Variants in CLIP4 observed in about 807,000 individuals in gnomAD.
CLIP4 encodes the protein CAP-Gly domain containing linker protein family member 4.
Under a neutral mutation model 73.1 loss-of-function variants are expected in CLIP4, and 47 were observed. That is an observed-to-expected ratio of 0.64 (90% CI 0.51 to 0.82). The LOEUF (loss-of-function observed/expected upper bound fraction) is 0.82. Among genes scored for constraint, CLIP4 ranks in the 40% least tolerant of loss-of-function variants. The pLI is 0.00. For synonymous variants in CLIP4, 306 were observed against 295.4 expected (o/e 1.04, Z -0.37); for missense variants, 874 against 852.9 (o/e 1.02, Z -0.31).
At chr2:29,180,475 G>T (rs1668582399) in intron 15 of CLIP4, among the ~76,000 whole-genome samples, 1 of 152,154 alleles carries the variant, frequency 6.6e-6, no homozygotes, top group Admixed American at 6.5e-5. Flanking sequence ...AGAGGCAGCT[G>T]CTCAAGGCAC....
intron 1 of CLIP4, among the ~76,000 whole-genome samples, chr2:29,099,990 T>C (rs1667994190): frequency 6.6e-6 from 1 of 152,240 alleles, no homozygotes; most frequent in Non-Finnish European, 1.5e-5. Context: ...ATTCCCATTG[T>C]TAACTGCTGG....
At chr2:29,120,764 G>T (rs958696644) in intron 1 of CLIP4, among the ~76,000 whole-genome samples, 1 of 152,088 alleles carries the variant, frequency 6.6e-6, no homozygotes, top group Non-Finnish European at 1.5e-5. Context: ...GGGAAAAAGA[G>T]GTAATATAAG....
chr2:29,106,624 T>C (rs1374139768), intron 1 of CLIP4, among the ~76,000 whole-genome samples: 1 of 152,108 alleles, frequency 6.6e-6, no homozygotes, highest in East Asian at 1.9e-4. Flanking sequence ...CAATTCAGGT[T>C]CCCCACACTT....
intron 1 of CLIP4, among the ~76,000 whole-genome samples, chr2:29,121,020 A>T (rs563943927): frequency 6.6e-6 from 1 of 152,320 alleles, no homozygotes; most frequent in South Asian, 2.1e-4. Context: ...TGTTATGGGA[A>T]GTTAAAGATC....
At chr2:29,172,409 T>G (rs564131241) in intron 14 of CLIP4, among the ~76,000 whole-genome samples, 28 of 152,270 alleles carry the variant, frequency 1.8e-4, no homozygotes, top group African/African-American at 6.7e-4. Context: ...GTGTAGAATT[T>G]TAGGTTTAAA....
intron 1 of CLIP4, among the ~76,000 whole-genome samples, chr2:29,107,368 T>TTTTTG (rs1558504956): frequency 7.8e-5 from 6 of 76,582 alleles, no homozygotes; most frequent in African/African-American, 2.8e-4. Context: ...GTTTTTTTTT[T>TTTTTG]TTTTTTTTTT....
intron 14 of CLIP4, among the ~76,000 whole-genome samples, chr2:29,172,753 C>A (rs962429044): frequency 6.6e-6 from 1 of 152,086 alleles, no homozygotes; most frequent in African/African-American, 2.4e-5. Flanking sequence ...TTTCTCACAA[C>A]TTGTCACTCT....
At chr2:29,134,405 C>T (rs910762157) in intron 5 of CLIP4, among the ~76,000 whole-genome samples, 6 of 152,008 alleles carry the variant, frequency 3.9e-5, no homozygotes, top group South Asian at 4.2e-4. Flanking sequence ...ATAGTATTAA[C>T]GTTAAGTTAA....
chr2:29,118,039 C>A (rs1208028306), intron 1 of CLIP4, among the ~76,000 whole-genome samples: 3 of 152,120 alleles, frequency 2.0e-5, no homozygotes, highest in Non-Finnish European at 4.4e-5. Flanking sequence ...ATAAAAGGAT[C>A]ATTGGAGTTA....
intron 1 of CLIP4, among the ~76,000 whole-genome samples, chr2:29,117,445 G>C (rs1035542992): frequency 1.3e-5 from 2 of 151,756 alleles, no homozygotes; most frequent in Non-Finnish European, 2.9e-5. Flanking sequence ...CCAGGTTCAA[G>C]CGATTGTTCT....
intron 15 of CLIP4, among the ~76,000 whole-genome samples, 173 bp from the exon 16 acceptor site, chr2:29,181,399 T>G (rs1166772229): frequency 6.6e-6 from 1 of 152,204 alleles, no homozygotes; most frequent in Non-Finnish European, 1.5e-5. Flanking sequence ...ATGGGTCAAC[T>G]GTATACTCTA....
intron 1 of CLIP4, among the ~76,000 whole-genome samples, chr2:29,119,936 T>C (rs1664142095): frequency 6.6e-6 from 1 of 152,194 alleles, no homozygotes; most frequent in Admixed American, 6.5e-5. Flanking sequence ...GTAAACTACC[T>C]AAGAAGCATG....
At chr2:29,142,573 T>A (rs1665848337) in intron 6 of CLIP4, among the ~76,000 whole-genome samples, 1 of 152,070 alleles carries the variant, frequency 6.6e-6, no homozygotes, top group Non-Finnish European at 1.5e-5. Context: ...ATTAGAAGAG[T>A]CCATTACCAT....
intron 2 of CLIP4, among the ~76,000 whole-genome samples, chr2:29,124,671 C>T (rs921227683): frequency 2.0e-5 from 3 of 151,954 alleles, no homozygotes; most frequent in Admixed American, 1.3e-4. Flanking sequence ...ATTACTGCAT[C>T]TTCAAGTTCA....
In CLIP4 at chr2:29,181,840, A is replaced by G. The variant is rs150560184; in HGVS notation, c.2065A>G (p.Arg689Gly). 3.7e-6 allele frequency: 6 copies of G among 1,614,024 alleles called. No homozygotes were observed. Among genetic ancestry groups the G allele is most frequent in the African/African-American group, 1.3e-5 (1 of 74,946 alleles). The stretch of plus-strand genomic sequence containing the variant: ...CCATGGAGTCTTAGTTCGACCGAGC[A>G]GAGTGACCTATCGGGGAATTAATGG... ...PNHGVLVRPSRVTYRGINGSK... is the reference protein window; with the variant it reads ...PNHGVLVRPSGVTYRGINGSK... The change falls in exon 16 of 16, where the codon AGA (arginine) becomes GGA (glycine). Residue 689 changes from arginine to glycine, a missense_variant. Transcript: ENST00000320081.
chr2:29,121,301 A>G (rs1664231601), intron 1 of CLIP4, 73 bp from the exon 2 acceptor site: 2 of 1,354,060 alleles, frequency 1.5e-6, no homozygotes, highest in Non-Finnish European at 2.0e-6. Flanking sequence ...ACTTTTAGGC[A>G]GTTATTGAAG....
chr2:29,141,008 G>A (rs1009680841), intron 6 of CLIP4, among the ~76,000 whole-genome samples: 1 of 151,978 alleles, frequency 6.6e-6, no homozygotes, highest in Non-Finnish European at 1.5e-5. Flanking sequence ...ACATCCCAGA[G>A]GTTTTGGTAT....
chr2:29,176,993 G>C (rs1041201262), intron 15 of CLIP4, among the ~76,000 whole-genome samples: 15 of 151,550 alleles, frequency 9.9e-5, no homozygotes, highest in Admixed American at 8.5e-4. Flanking sequence ...CAGATTTATT[G>C]GCCTAGCATT....
At chr2:29,129,599 C>T (rs889059538) in intron 2 of CLIP4, among the ~76,000 whole-genome samples, 4 of 152,006 alleles carry the variant, frequency 2.6e-5, no homozygotes, top group Non-Finnish European at 5.9e-5. Flanking sequence ...GTCAAGGTTA[C>T]CTGCTCAGAT....
Sources: allele counts gnomAD v4.1 joint callset (sites outside exome capture counted in the v4.1 genomes callset), GRCh38; gene constraint gnomAD v4.1.1; transcripts MANE v1.5; gene names NCBI Gene and HGNC (gene_info 2026-07-23, HGNC 2026-07-21).